The following PAX6 variants were observed in gnomAD, a reference collection of about 807,000 sequenced individuals.
PAX6 encodes the protein paired box 6, also known as paired box protein Pax-6.
A neutral mutation model predicts 60.7 loss-of-function variants in PAX6; 7 were observed. The observed-to-expected ratio is 0.12, with a 90% confidence interval of 0.07 to 0.22. The LOEUF is 0.22. PAX6 is among the 10% of genes least tolerant of loss of function. PAX6 has a pLI of 1.00. For missense variants in PAX6, 355 were observed against 555.2 expected, an observed-to-expected ratio of 0.64 and a Z score of 3.62; for synonymous variants, 208 against 201.2, an observed-to-expected ratio of 1.03 and a Z score of -0.29.
In PAX6 at chr11:31,801,249, G is replaced by A. The variant is rs1953734287; in HGVS notation, c.399+312C>T. On this transcript the variant is annotated intron_variant, in intron 7 of 13. Coordinates refer to ENST00000640368, the MANE Select transcript of PAX6 (RefSeq NM_001368894.2). ...TGACACCTGAAGGAAAGTTCTGGCA[G>A]GTGGATTAGGACGAAGTTACAATCT... 12 of 1,372,304 alleles carry A rather than the reference G, an allele frequency of 8.7e-6. No homozygotes were observed. In the South Asian group the frequency reaches 1.8e-4, roughly 21 times the overall value. 85.0% of individuals were successfully genotyped at this position (1,372,304 alleles called of 1,614,324 possible).
chr11:31,801,932 C>T lies in PAX6; in HGVS notation c.142-20G>A. On this transcript the variant is annotated intron_variant, in intron 5 of 13. Coordinates refer to ENST00000640368, the MANE Select transcript of PAX6 (RefSeq NM_001368894.2). ...ATGGGTCTATAACACAAAAATATAC[C>T]TTCAATGGTATGAGAACTTACTGTA... 6.2e-7 allele frequency: 1 copy of T among 1,605,686 alleles called. No homozygotes were observed. Among genetic ancestry groups the T allele is most frequent in the East Asian group, 2.2e-5 (1 of 44,822 alleles).
In PAX6 at chr11:31,806,363, C is replaced by T. The variant is rs758458886; in HGVS notation, c.10+39G>A. On this transcript the variant is annotated intron_variant, in intron 4 of 13. Transcript: ENST00000640368. ...CTCCCCTGACCCTCGGGTCCGCGCA[C>T]CCCGAGCCCGAAGTCCCAGAAAGAC... The T allele has an allele frequency of 3.1e-6, 5 of 1,598,028 alleles. No individual in the cohort carries two copies. The East Asian group carries it at 6.8e-5, about 22-fold the overall frequency.
At chr11:31,800,440 C>G (rs542677640) in intron 8 of PAX6, 1 of 594,808 alleles carries the variant, frequency 1.7e-6, no homozygotes, top group South Asian at 1.9e-5. Flanking sequence ...CCCACAAACA[C>G]ACACACGCAC....
intron 10 of PAX6, 41 bp downstream of exon 10, chr11:31,793,991 G>A: frequency 7.3e-7 from 1 of 1,377,870 alleles, no homozygotes; most frequent in South Asian, 1.2e-5. Context: ...AAGACAAATG[G>A]TATGAATCAC....
At chr11:31,793,895 A>C in intron 10 of PAX6, 93 bp from the exon 11 acceptor site, 2 of 1,466,322 alleles carry the variant, frequency 1.4e-6, no homozygotes, top group East Asian at 4.5e-5. Context: ...CGCCCATGGC[A>C]GCAGAGCATT....
chr11:31,790,120 A>AAAAAAC, intron 13 of PAX6, 101 bp from the exon 14 acceptor site: 6 of 759,764 alleles, frequency 7.9e-6, no homozygotes, highest in Non-Finnish European at 6.4e-6. Context: ...AAAAAAAAAA[A>AAAAAAC]CTAATACTTT....
chr11:31,790,661 TAGTGA>T (rs1158248778), intron 13 of PAX6, 44 bp downstream of exon 13: 1 of 1,612,578 alleles, frequency 6.2e-7, no homozygotes, highest in Non-Finnish European at 8.5e-7. Flanking sequence ...GGTAAACTTC[TAGTGA>T]AGAGAGATCG....
In PAX6 at chr11:31,801,609, T is replaced by C. The variant is rs1281405468; in HGVS notation, c.351A>G (p.Arg117=). The C allele has an allele frequency of 1.2e-6, 2 of 1,614,002 alleles. No homozygotes were observed. The highest frequency in any genetic ancestry group is 1.7e-6 in the Non-Finnish European group (2 of 1,180,034). ...ECPSIFAWEI[R]DRLLSEGVCT... is the part of the protein sequence containing the mutation. ...AGACCCCCTCGGACAGTAATCTGTC[T>C]CGGATTTCCCAAGCAAAGATGGACG... The change falls in exon 7 of 14, where the codon CGA becomes CGG. Residue 117 remains arginine (R), a synonymous_variant. Coordinates refer to ENST00000640368, the MANE Select transcript of PAX6 (RefSeq NM_001368894.2).
intron 5 of PAX6, chr11:31,802,426 A>G (rs1954304973): frequency 4.6e-6 from 2 of 432,310 alleles, no homozygotes; most frequent in Non-Finnish European, 8.3e-6. Context: ...TTTACCAAAT[A>G]AAAAGAGAAA....
chr11:31,790,118 A>AAAAAAAAAAT, intron 13 of PAX6, 99 bp from the exon 14 acceptor site: 2 of 779,400 alleles, frequency 2.6e-6, no homozygotes, highest in Non-Finnish European at 2.1e-6. Flanking sequence ...AAAAAAAAAA[A>AAAAAAAAAAT]AACTAATACT....
chr11:31,806,589 T>C (rs1268023706), intron 3 of PAX6, 127 bp from the exon 4 acceptor site: 2 of 730,188 alleles, frequency 2.7e-6, no homozygotes, highest in African/African-American at 1.7e-5. Context: ...CCACTCAACC[T>C]CTTGGGGCGA....
chr11:31,810,348 C>G (rs921612145), intron 2 of PAX6: 1 of 152,456 alleles, frequency 6.6e-6, no homozygotes, highest in Admixed American at 6.5e-5. Flanking sequence ...CTCGGCGAGT[C>G]CTCGGAGCGC....
upstream of PAX6, chr11:31,812,369 T>C (rs1554988148): frequency 6.5e-6 from 1 of 154,842 alleles, no homozygotes; most frequent in Non-Finnish European, 1.4e-5. Context: ...TATGTCAGCG[T>C]GTGTCGTGTG....
At position 31,793,740 on chromosome 11, in the gene PAX6, T is replaced by G; in HGVS notation, c.870A>C (p.Arg290Ser). 6.2e-7 allele frequency: 1 copy of G among 1,614,152 alleles called. No homozygotes were observed. Among genetic ancestry groups the G allele is most frequent in the South Asian group, 1.1e-5 (1 of 91,070 alleles). The change falls in exon 11 of 14, where the codon AGA becomes AGC. Residue 290 changes from arginine (R) to serine (S), a missense_variant. By Grantham distance (110) the Arg-to-Ser change is moderately radical. This residue lies in a region of PAX6 where 149 missense variants were observed against 191.9 expected (regional missense o/e 0.78). Coordinates refer to ENST00000640368, the MANE Select transcript of PAX6 (RefSeq NM_001368894.2). ...RREEKLRNQR[R>S]QASNTPSHIP... ...TATGACTAGGTGTGTTGCTGGCCTG[T>G]CTTCTCTGATTCCTCAGTTTTTCTT...
chr11:31,816,309 AG>A, upstream of PAX6: 3 of 480,036 alleles, frequency 6.2e-6, no homozygotes, highest in Non-Finnish European at 1.1e-5. Flanking sequence ...ATTCTATGAG[AG>A]GGTCTGAGGA....
chr11:31,810,837 G>C lies in PAX6; in HGVS notation c.-138C>G, dbSNP rs1956924784. On this transcript the variant is annotated 5_prime_UTR_variant, in exon 2 of 14. Coordinates refer to ENST00000640368, the MANE Select transcript of PAX6 (RefSeq NM_001368894.2). Reference sequence around the variant, plus strand: ...AAAGAAGCGGACTCACCTTTATGAGGCATCCTTTCTGGTTGTCACAGCTTC... The same window carrying C: ...AAAGAAGCGGACTCACCTTTATGAGCCATCCTTTCTGGTTGTCACAGCTTC... 5.0e-6 allele frequency: 2 copies of C among 399,024 alleles called. No homozygotes were observed. The highest frequency in any genetic ancestry group is 4.4e-5 in the Admixed American group (1 of 22,722). 24.7% of individuals were successfully genotyped at this position (399,024 alleles called of 1,614,324 possible). A position where few individuals can be genotyped will look rare whatever the true frequency, so the allele number is the denominator to read the frequency against.
intron 13 of PAX6, chr11:31,790,240 C>G: frequency 1.9e-6 from 1 of 530,874 alleles, no homozygotes; most frequent in East Asian, 3.3e-5. Flanking sequence ...AAGTACCCCC[C>G]ACCCCAATCC....
intron 7 of PAX6, 158 bp downstream of exon 7, chr11:31,801,403 A>G (rs1953791647): frequency 1.3e-6 from 2 of 1,521,556 alleles, no homozygotes; most frequent in African/African-American, 1.4e-5. Flanking sequence ...AAGAAAAGTC[A>G]GGGCATTCCT....
At chr11:31,813,389 C>CG (rs71463328), upstream of PAX6, among the ~76,000 whole-genome samples, 13,193 of 43,880 alleles carry the variant, frequency 0.3, 1,293 homozygotes, top group Non-Finnish European at 0.37. Context: ...TGCGGGGGGG[C>CG]GGGGGGGGGG....
Sources: allele counts gnomAD v4.1 joint callset (sites outside exome capture counted in the v4.1 genomes callset), GRCh38; gene constraint gnomAD v4.1.1; regional missense constraint gnomAD v4.1.1; transcripts MANE v1.5; gene names NCBI Gene and HGNC (gene_info 2026-07-23, HGNC 2026-07-21).